MAP6: variants seen among roughly 807,000 people sequenced by gnomAD.
The protein encoded by MAP6 is microtubule associated protein 6.
Under a neutral mutation model 42.4 loss-of-function variants are expected in MAP6, and 26 were observed. The ratio of observed to expected loss-of-function variants is 0.61; its 90% CI spans 0.45 to 0.85. MAP6 has a LOEUF of 0.85. MAP6 is among the 40% of genes least tolerant of loss of function. The pLI is 0.00. For missense variants in MAP6, 966 were observed against 1,099.0 expected, an observed-to-expected ratio of 0.88 and a Z score of 1.71; for synonymous variants, 418 against 443.8, an observed-to-expected ratio of 0.94 and a Z score of 0.73.
chr11:75,620,946 C>A (rs987731805), intron 1 of MAP6, among the ~76,000 whole-genome samples: 1 of 151,896 alleles, frequency 6.6e-6, no homozygotes, highest in Non-Finnish European at 1.5e-5. Context: ...CTGGCTAACA[C>A]GGTGAAACCC....
intron 1 of MAP6, among the ~76,000 whole-genome samples, chr11:75,644,696 T>C (rs1033652455): frequency 2.6e-5 from 4 of 151,904 alleles, no homozygotes; most frequent in African/African-American, 9.7e-5. Flanking sequence ...TAAGACAAAA[T>C]TGAAGAAATA....
chr11:75,589,084 G>A (rs1942428216), intron 3 of MAP6, among the ~76,000 whole-genome samples: 1 of 152,198 alleles, frequency 6.6e-6, no homozygotes, highest in Non-Finnish European at 1.5e-5. Flanking sequence ...AGGTAGGGAT[G>A]AGGCCCTGAT....
chr11:75,633,257 C>T (rs1401631134), intron 1 of MAP6, among the ~76,000 whole-genome samples: 1 of 152,048 alleles, frequency 6.6e-6, no homozygotes, highest in Non-Finnish European at 1.5e-5. Flanking sequence ...AATGATCTTC[C>T]CAAAAGGTCC....
intron 1 of MAP6, among the ~76,000 whole-genome samples, chr11:75,659,379 G>A (rs1194734372): frequency 1.3e-5 from 2 of 152,206 alleles, no homozygotes; most frequent in East Asian, 1.9e-4. Context: ...CTACTCGGAA[G>A]GCTGAGGCAG....
At chr11:75,609,510 G>A (rs952639412) in intron 1 of MAP6, among the ~76,000 whole-genome samples, 2 of 152,222 alleles carry the variant, frequency 1.3e-5, no homozygotes, top group East Asian at 3.8e-4. Flanking sequence ...ACGGAGACAC[G>A]CAGGCTCTCG....
At chr11:75,607,927 G>C (rs1942809003) in intron 2 of MAP6, among the ~76,000 whole-genome samples, 182 bp downstream of exon 2, 1 of 152,196 alleles carries the variant, frequency 6.6e-6, no homozygotes, top group Non-Finnish European at 1.5e-5. Flanking sequence ...TATTCCCTTT[G>C]AGTTTAACAA....
intron 1 of MAP6, among the ~76,000 whole-genome samples, chr11:75,625,115 C>T (rs1487825957): frequency 6.6e-6 from 1 of 152,188 alleles, no homozygotes; most frequent in African/African-American, 2.4e-5. Context: ...TAGGGATTTT[C>T]AGGCAGGGAA....
chr11:75,628,401 C>T (rs1280625884), intron 1 of MAP6, among the ~76,000 whole-genome samples: 1 of 152,154 alleles, frequency 6.6e-6, no homozygotes, highest in African/African-American at 2.4e-5. Context: ...GACAAAGATC[C>T]CAGCTTAAAC....
chr11:75,661,469 A>G (rs1299562599), intron 1 of MAP6, among the ~76,000 whole-genome samples: 1 of 152,110 alleles, frequency 6.6e-6, no homozygotes, highest in Non-Finnish European at 1.5e-5. Context: ...AACCAAATTC[A>G]GCATAATAAA....
At chr11:75,602,827 G>A (rs1942688534) in intron 3 of MAP6, 2 of 985,304 alleles carry the variant, frequency 2.0e-6, no homozygotes, top group African/African-American at 3.5e-5. Flanking sequence ...ACCTACTCAG[G>A]TGGGCCTCAC....
intron 3 of MAP6, chr11:75,603,163 G>C (rs1942696748): frequency 2.0e-6 from 2 of 985,374 alleles, no homozygotes; most frequent in Admixed American, 6.1e-5. Context: ...ATTGCTGAGG[G>C]AAGCCAATGC....
At chr11:75,597,818 C>A (rs1942607745) in intron 3 of MAP6, among the ~76,000 whole-genome samples, 1 of 152,186 alleles carries the variant, frequency 6.6e-6, no homozygotes, top group African/African-American at 2.4e-5. Context: ...GAAGAGGCAG[C>A]AAGAGCCAAC....
chr11:75,667,503 G>T lies in MAP6; in HGVS notation c.867C>A (p.Ile289=). Residue 289 remains isoleucine, a synonymous_variant, in exon 1 of 4, where the codon ATC becomes ATA. Coordinates refer to ENST00000304771, the MANE Select transcript of MAP6 (RefSeq NM_033063.2). The surrounding 1 kb of genome is among the most constrained non-coding windows in gnomAD (Gnocchi z 5.6). ...TCACTGCACTCGCCACCTCCTCGCGGATTTGCCGGTTGAGGGCGTCCGCCG... is the reference window on the plus strand; with the variant it reads ...TCACTGCACTCGCCACCTCCTCGCGTATTTGCCGGTTGAGGGCGTCCGCCG... ...RAAADALNRQ[I]REEVASAVSS... is the part of the protein sequence containing the mutation. 1 of 1,511,038 alleles carries T rather than the reference G, an allele frequency of 6.6e-7. No individual in the cohort carries two copies. 93.6% of individuals were successfully genotyped at this position (1,511,038 alleles called of 1,614,324 possible). A position where few individuals can be genotyped will look rare whatever the true frequency, so the allele number is the denominator to read the frequency against.
chr11:75,605,117 C>T (rs1266548911), intron 3 of MAP6: 1 of 985,306 alleles, frequency 1.0e-6, no homozygotes, highest in Non-Finnish European at 1.2e-6. Flanking sequence ...ACCTAACCTT[C>T]TTCACCAGCC....
intron 3 of MAP6, chr11:75,594,443 A>G (rs1349806504): frequency 2.0e-5 from 3 of 152,228 alleles, no homozygotes; most frequent in African/African-American, 7.2e-5. Flanking sequence ...AAGGCTCATT[A>G]TTCTTATGAA....
At chr11:75,653,109 A>C (rs561639839) in intron 1 of MAP6, among the ~76,000 whole-genome samples, 1 of 152,306 alleles carries the variant, frequency 6.6e-6, no homozygotes, top group South Asian at 2.1e-4. Flanking sequence ...TCAATCCACA[A>C]GGGAGAATGT....
chr11:75,617,090 G>T (rs1236918655), intron 1 of MAP6, among the ~76,000 whole-genome samples: 1 of 152,194 alleles, frequency 6.6e-6, no homozygotes, highest in Non-Finnish European at 1.5e-5. Flanking sequence ...GCATATAGCT[G>T]CTATCTAAGT....
chr11:75,634,887 T>G (rs957055073), intron 1 of MAP6, among the ~76,000 whole-genome samples: 12 of 152,358 alleles, frequency 7.9e-5, no homozygotes, highest in African/African-American at 2.6e-4. Context: ...CCTTTTATTA[T>G]TCTTTCATTG....
chr11:75,664,712 C>T (rs1035363219), intron 1 of MAP6, among the ~76,000 whole-genome samples: 1 of 152,164 alleles, frequency 6.6e-6, no homozygotes, highest in African/African-American at 2.4e-5. Context: ...ATCCTAGAAA[C>T]ATAGCAAGGA....
Sources: allele counts gnomAD v4.1 joint callset (sites outside exome capture counted in the v4.1 genomes callset), GRCh38; gene constraint gnomAD v4.1.1; non-coding constraint Gnocchi (gnomAD v3.1); transcripts MANE v1.5; gene names NCBI Gene and HGNC (gene_info 2026-07-23, HGNC 2026-07-21).